Variants in PRKCQ observed in about 807,000 individuals in gnomAD.
PRKCQ encodes the protein protein kinase C theta.
In PRKCQ, 41 loss-of-function variants were observed where a neutral mutation model predicts 91.2. That is an observed-to-expected ratio of 0.45 (90% CI 0.35 to 0.58). The LOEUF (loss-of-function observed/expected upper bound fraction) is 0.58, where lower values mean the gene tolerates loss of function less well. Ranked by LOEUF, PRKCQ falls within the 20% of genes least tolerant of loss-of-function variation. The pLI, the probability that PRKCQ is intolerant of heterozygous loss-of-function variation, is 0.00. For missense variants in PRKCQ, 673 were observed against 896.5 expected (o/e 0.75, Z 3.18); for synonymous variants, 307 against 316.9 (o/e 0.97, Z 0.33).
intron 15 of PRKCQ, among the ~76,000 whole-genome samples, chr10:6,442,767 G>T (rs1385119816): frequency 6.6e-6 from 1 of 152,146 alleles, no homozygotes; most frequent in Non-Finnish European, 1.5e-5. Context: ...TTTGAGACCA[G>T]CCTGGCCAAC....
At position 6,547,552 on chromosome 10, in the gene PRKCQ, G is replaced by C. The variant is rs574027089; in HGVS notation, c.-9-32408C>G. On this transcript the variant is annotated intron_variant, in intron 1 of 17. Transcript: ENST00000263125. ...AACAGAGATATAGATCAATGGAACA[G>C]AACAGAGCCCTCAGAAATAAGGCCA... 1.7e-4 allele frequency among the ~76,000 whole-genome samples: 26 copies of C among 151,456 alleles called. No individual in the cohort carries two copies. The East Asian group carries it at 4.3e-3, about 25-fold the overall frequency.
At chr10:6,558,609 G>C (rs1723012849) in intron 1 of PRKCQ, among the ~76,000 whole-genome samples, 1 of 152,170 alleles carries the variant, frequency 6.6e-6, no homozygotes. Context: ...TTCGGTCCAG[G>C]AAACTCACTC....
intron 1 of PRKCQ, among the ~76,000 whole-genome samples, chr10:6,551,366 G>C (rs1840176655): frequency 1.3e-5 from 2 of 151,602 alleles, no homozygotes; most frequent in South Asian, 2.1e-4. Context: ...AGTATTCCAT[G>C]GTGCATATGT....
At chr10:6,509,943 G>A (rs1838388134) in intron 3 of PRKCQ, among the ~76,000 whole-genome samples, 1 of 152,156 alleles carries the variant, frequency 6.6e-6, no homozygotes. Context: ...TTTTAGGCTT[G>A]TATCATTCCC....
chr10:6,485,404 C>A, intron 9 of PRKCQ, 135 bp from the exon 10 acceptor site: 1 of 711,782 alleles, frequency 1.4e-6, no homozygotes. Context: ...TTATCCTCAA[C>A]GTTCTTTTGG....
Position 6,430,481 on chromosome 10 carries a change from C to A in PRKCQ, c.1965+329G>T, listed in dbSNP as rs761387065. Among the ~76,000 whole-genome samples, 1 of 152,182 alleles carries A rather than the reference C, an allele frequency of 6.6e-6. No homozygotes were observed. On this transcript the variant is annotated intron_variant, in intron 17 of 17. Coordinates refer to ENST00000263125, the MANE Select transcript of PRKCQ (RefSeq NM_006257.5). This position sits in a 1 kb window ranked among gnomAD's most constrained non-coding sequence, Gnocchi z 4.7. ...GTTACCCAGACTGGACCATTAAGTA[C>A]GTATGTGTCATGTGCACAACCCCCA...
chr10:6,576,775 T>C lies in PRKCQ; in HGVS notation c.-10+3436A>G, dbSNP rs1468025715. 6.6e-6 allele frequency among the ~76,000 whole-genome samples: 1 copy of C among 152,204 alleles called. No homozygotes were observed. The highest frequency in any genetic ancestry group is 1.9e-4 in the East Asian group (1 of 5,206). ...ACCTGGGACTGCGGTTTAAAGCAAA[T>C]GCTTGATGGTTAGACTAATCTGGAT... On this transcript the variant is annotated intron_variant, in intron 1 of 17. Coordinates refer to ENST00000263125, the MANE Select transcript of PRKCQ (RefSeq NM_006257.5). This position sits in a 1 kb window ranked among gnomAD's most constrained non-coding sequence, Gnocchi z 4.2.
intron 16 of PRKCQ, among the ~76,000 whole-genome samples, chr10:6,441,627 G>A (rs1163174336): frequency 1.3e-5 from 2 of 152,074 alleles, no homozygotes; most frequent in Admixed American, 1.3e-4. Flanking sequence ...ACATCTCCAG[G>A]TGAGCGTATT....
At chr10:6,507,158 T>C (rs1221169783) in intron 4 of PRKCQ, among the ~76,000 whole-genome samples, 1 of 152,204 alleles carries the variant, frequency 6.6e-6, no homozygotes, top group Non-Finnish European at 1.5e-5. Context: ...TAGACTGAAT[T>C]CCCAAACTAA....
the PRKCQ span, among the ~76,000 whole-genome samples, chr10:6,409,321 G>A: frequency 1.3e-5 from 2 of 152,196 alleles, no homozygotes; most frequent in African/African-American, 4.8e-5. Flanking sequence ...TTAAGACAGA[G>A]TCTTGCTCCG....
chr10:6,404,835 CTT>C, the PRKCQ span, among the ~76,000 whole-genome samples: 1 of 131,098 alleles, frequency 7.6e-6, no homozygotes, highest in African/African-American at 2.9e-5. Flanking sequence ...TTCCTTCTTT[CTT>C]TCTTTCTTTC....
chr10:6,511,335 A>G (rs1838467165), intron 2 of PRKCQ, 141 bp from the exon 3 acceptor site: 5 of 752,602 alleles, frequency 6.6e-6, no homozygotes, highest in Non-Finnish European at 1.1e-5. Flanking sequence ...CACATAAACA[A>G]TCAGAGACAA....
At chr10:6,503,930 C>A (rs1290015380) in intron 4 of PRKCQ, among the ~76,000 whole-genome samples, 1 of 152,052 alleles carries the variant, frequency 6.6e-6, no homozygotes, top group Non-Finnish European at 1.5e-5. Flanking sequence ...GCATGTGCCA[C>A]CATACCCAGG....
chr10:6,491,949 A>G, intron 7 of PRKCQ, 137 bp from the exon 8 acceptor site: 4 of 1,300,290 alleles, frequency 3.1e-6, no homozygotes, highest in Non-Finnish European at 4.3e-6. Context: ...CATCATTGTC[A>G]CTTGTCAAGC....
chr10:6,428,473 T>C, intron 17 of PRKCQ, 111 bp from the exon 18 acceptor site: 1 of 1,224,124 alleles, frequency 8.2e-7, no homozygotes, highest in Admixed American at 2.0e-5. Flanking sequence ...AGTTGGTGTT[T>C]GCAGAGACAC....
rs80304208 is a variant in PRKCQ, at chr10:6,485,000, C to A, written c.1018+152G>T. 255 of 674,706 alleles carry A rather than the reference C, an allele frequency of 3.8e-4. 1 individual carries two copies. The African/African-American group carries it at 4.0e-3, about 11-fold the overall frequency. The allele number at this position is 674,706 out of a possible 1,614,324, so 41.8% of individuals were successfully genotyped here. ...TTACAAAGGTAAAAGGTTTTAGTTT[C>A]TTTTCTAAGAAGTGGGAGCCTCTTA... On this transcript the variant is annotated intron_variant, in intron 10 of 17. Transcript: ENST00000263125.
intron 1 of PRKCQ, among the ~76,000 whole-genome samples, chr10:6,536,803 T>A (rs947109750): frequency 6.6e-6 from 1 of 152,118 alleles, no homozygotes; most frequent in South Asian, 2.1e-4. Flanking sequence ...GTTTTCTGGG[T>A]AAGAACCCTG....
intron 4 of PRKCQ, among the ~76,000 whole-genome samples, chr10:6,503,738 T>C (rs1803056727): frequency 2.0e-5 from 3 of 152,228 alleles, no homozygotes; most frequent in Non-Finnish European, 4.4e-5. Flanking sequence ...ATTCTCAACA[T>C]TTTTTCCCTT....
At chr10:6,455,314 G>C (rs1371403205) in intron 15 of PRKCQ, among the ~76,000 whole-genome samples, 1 of 152,136 alleles carries the variant, frequency 6.6e-6, no homozygotes, top group African/African-American at 2.4e-5. Context: ...AGATTTCTAC[G>C]ATCAGAAAGT....
Sources: allele counts gnomAD v4.1 joint callset (sites outside exome capture counted in the v4.1 genomes callset), GRCh38; gene constraint gnomAD v4.1.1; non-coding constraint Gnocchi (gnomAD v3.1); transcripts MANE v1.5; gene names NCBI Gene and HGNC (gene_info 2026-07-23, HGNC 2026-07-21).